Variants in TMC7 observed in about 807,000 individuals in gnomAD.
TMC7 encodes the protein transmembrane channel-like protein 7.
In TMC7, 54 loss-of-function variants were observed where a neutral mutation model predicts 82.9. The ratio of observed to expected loss-of-function variants is 0.65; its 90% confidence interval spans 0.52 to 0.82. The LOEUF (loss-of-function observed/expected upper bound fraction) is 0.82. Among genes scored for constraint, TMC7 ranks in the 40% least tolerant of loss-of-function variants. TMC7 has a pLI of 0.00. For synonymous variants in TMC7, 350 were observed against 337.9 expected, an observed-to-expected ratio of 1.04 and a Z score of -0.39; for missense variants, 820 against 901.2, an observed-to-expected ratio of 0.91 and a Z score of 1.15.
intron 9 of TMC7, among the ~76,000 whole-genome samples, chr16:19,043,675 A>G (rs1358276360): frequency 6.6e-6 from 1 of 152,016 alleles, no homozygotes; most frequent in African/African-American, 2.4e-5. Flanking sequence ...GGTTCAAGAG[A>G]TTCTCCCACC....
At chr16:18,996,065 G>C (rs1390737422) in intron 1 of TMC7, among the ~76,000 whole-genome samples, 1 of 152,186 alleles carries the variant, frequency 6.6e-6, no homozygotes, top group East Asian at 1.9e-4. Context: ...AAATTGTTGG[G>C]CAGGTAGGGG....
At chr16:19,056,377 C>T (rs1312371031) in intron 13 of TMC7, among the ~76,000 whole-genome samples, 165 bp from the exon 14 acceptor site, 3 of 152,066 alleles carry the variant, frequency 2.0e-5, no homozygotes, top group Admixed American at 1.3e-4. Flanking sequence ...TGAGCCACCG[C>T]GCCCAGCCAG....
chr16:19,015,795 C>G lies in TMC7; in HGVS notation c.312-655C>G, dbSNP rs186086207. ...TTCACTATGTTGGCCAGGCTGGTCT[C>G]GAATTCCTGACCTCAGGTGATCCAC... is the stretch of plus-strand genomic sequence containing the variant. On this transcript the variant is annotated intron_variant, in intron 2 of 15. Coordinates refer to ENST00000304381, the MANE Select transcript of TMC7 (RefSeq NM_024847.4). Among the ~76,000 whole-genome samples the G allele has an allele frequency of 1.2e-3, 180 of 151,146 alleles. 2 individuals are homozygous for G. Among genetic ancestry groups the G allele is most frequent in the Admixed American group, 0.01 (155 of 15,222 alleles).
intron 5 of TMC7, among the ~76,000 whole-genome samples, chr16:19,029,155 G>A (rs999616909): frequency 1.4e-4 from 21 of 151,074 alleles, no homozygotes; most frequent in East Asian, 1.0e-3. Flanking sequence ...ACAGGCGCCC[G>A]CCACCACACC....
intron 2 of TMC7, among the ~76,000 whole-genome samples, chr16:19,010,066 C>CTTCCT (rs566370782): frequency 3.9e-4 from 45 of 115,844 alleles, no homozygotes; most frequent in African/African-American, 1.0e-3. Context: ...CTTTCTTCTT[C>CTTCCT]TTCCTTTCCT....
intron 5 of TMC7, among the ~76,000 whole-genome samples, chr16:19,026,680 A>G (rs963790657): frequency 3.9e-5 from 6 of 152,214 alleles, no homozygotes; most frequent in Non-Finnish European, 8.8e-5. Flanking sequence ...AGTAAGCATG[A>G]TAACAGCCTG....
intron 3 of TMC7, among the ~76,000 whole-genome samples, chr16:19,018,903 G>A (rs1959834756): frequency 1.3e-5 from 2 of 152,130 alleles, no homozygotes. Context: ...CAGGCCGGAG[G>A]GCAATGGTGC....
chr16:19,002,390 C>T (rs2039156842), intron 1 of TMC7, among the ~76,000 whole-genome samples: 1 of 152,070 alleles, frequency 6.6e-6, no homozygotes, highest in Non-Finnish European at 1.5e-5. Context: ...CATGCATCAC[C>T]ACGCCCGGCT....
chr16:19,035,755 T>C lies in TMC7; in HGVS notation c.937T>C (p.Trp313Arg). 1 of 1,613,668 alleles carries C rather than the reference T, an allele frequency of 6.2e-7. No individual in the cohort carries two copies. The highest frequency in any genetic ancestry group is 8.5e-7 in the Non-Finnish European group (1 of 1,179,830). ...QSYCNKIFAG[W>R]DFCITNRSMA... ...TTACTGCAACAAGATATTTGCCGGC[T>C]GGGACTTCTGCATCACTAACCGCAG... is the stretch of plus-strand genomic sequence containing the variant. Residue 313 changes from tryptophan to arginine, a missense_variant, in exon 7 of 16, where the codon TGG becomes CGG. Transcript: ENST00000304381.
intron 11 of TMC7, among the ~76,000 whole-genome samples, chr16:19,046,207 C>T (rs565920948): frequency 3.3e-5 from 5 of 152,244 alleles, no homozygotes; most frequent in Non-Finnish European, 5.9e-5. Flanking sequence ...ACCTGTCTCC[C>T]GATCTGGGTT....
intron 11 of TMC7, among the ~76,000 whole-genome samples, chr16:19,046,622 G>A (rs532119962): frequency 6.6e-6 from 1 of 151,942 alleles, no homozygotes; most frequent in Non-Finnish European, 1.5e-5. Context: ...ATCACTTGAG[G>A]CCAGGAGGTT....
chr16:18,987,246 G>T (rs1030602575), intron 1 of TMC7, among the ~76,000 whole-genome samples: 2 of 152,076 alleles, frequency 1.3e-5, no homozygotes, highest in African/African-American at 4.8e-5. Flanking sequence ...TTCTTTCAAA[G>T]CTCTTACCAC....
At chr16:19,024,104 T>C (rs1960113794) in intron 5 of TMC7, among the ~76,000 whole-genome samples, 1 of 152,120 alleles carries the variant, frequency 6.6e-6, no homozygotes, top group Non-Finnish European at 1.5e-5. Flanking sequence ...GCTTTTATGG[T>C]AGTTGTAAAA....
Position 19,044,934 on chromosome 16 carries a change from G to A in TMC7, c.1388G>A (p.Gly463Asp), listed in dbSNP as rs757859416. ...ATATGTGTCCTGGTGTTCACGCTGG[G>A]CTCCAAGATCACATCCTGTGATGAT... Reference protein sequence around the residue: ...ATICVLVFTLGSKITSCDDDT... With the variant: ...ATICVLVFTLDSKITSCDDDT... Residue 463 changes from glycine (G) to aspartate (D), a missense_variant, in exon 10 of 16, where the codon GGC (glycine) becomes GAC (aspartate). By Grantham distance (94) the Gly-to-Asp change is moderately conservative. Around this residue, in one of 2 missense-constraint regions of TMC7, gnomAD observed 650 missense variants for 669.9 expected, o/e 0.97. Coordinates refer to ENST00000304381, the MANE Select transcript of TMC7 (RefSeq NM_024847.4). 1 of 1,613,958 alleles carries A rather than the reference G, an allele frequency of 6.2e-7. No individual in the cohort carries two copies. Among genetic ancestry groups the A allele is most frequent in the South Asian group, 1.1e-5 (1 of 91,080 alleles).
chr16:19,045,563 C>A, intron 11 of TMC7, 125 bp downstream of exon 11: 1 of 654,192 alleles, frequency 1.5e-6, no homozygotes, highest in Non-Finnish European at 2.7e-6. Flanking sequence ...GACTCTACAG[C>A]CCTGGAAATC....
At chr16:19,017,301 A>T (rs1959743065) in intron 3 of TMC7, among the ~76,000 whole-genome samples, 1 of 150,950 alleles carries the variant, frequency 6.6e-6, no homozygotes, top group South Asian at 2.1e-4. Context: ...AATGAAATGC[A>T]TGAATAGTAT....
intron 1 of TMC7, among the ~76,000 whole-genome samples, chr16:18,984,984 G>A (rs927892804): frequency 1.3e-5 from 2 of 152,130 alleles, no homozygotes; most frequent in African/African-American, 2.4e-5. Context: ...ATGTAGGGCC[G>A]GGCGTGGTGG....
At chr16:19,007,148 G>A (rs144573363) in intron 1 of TMC7, among the ~76,000 whole-genome samples, 2 of 152,192 alleles carry the variant, frequency 1.3e-5, no homozygotes, top group Non-Finnish European at 2.9e-5. Context: ...GAAGACACGA[G>A]CCTGGGGCCT....
intron 5 of TMC7, among the ~76,000 whole-genome samples, chr16:19,028,697 C>T (rs1366800123): frequency 6.6e-6 from 1 of 151,772 alleles, no homozygotes; most frequent in African/African-American, 2.4e-5. Flanking sequence ...GCTCTGTTGC[C>T]CAGGCTGGAA....
Sources: gnomAD v4.1 joint callset for allele counts (sites outside exome capture counted in the v4.1 genomes callset) on GRCh38, gnomAD v4.1.1 for gene constraint, gnomAD v4.1.1 regional missense constraint, MANE v1.5 for transcripts, NCBI Gene and HGNC (gene_info 2026-07-23, HGNC 2026-07-21) for gene names.